The following ANKRD33B variants were observed in gnomAD, a reference collection of about 807,000 sequenced individuals.
The protein encoded by ANKRD33B is ankyrin repeat domain 33B, also known as ankyrin repeat domain-containing protein 33B.
Under a neutral mutation model 21.5 loss-of-function variants are expected in ANKRD33B, and 6 were observed. That is an observed-to-expected ratio of 0.28 (90% CI 0.15 to 0.55). The LOEUF (loss-of-function observed/expected upper bound fraction) is 0.55. Among genes scored for constraint, ANKRD33B ranks in the 20% least tolerant of loss-of-function variants. The pLI is 0.94. For synonymous variants in ANKRD33B, 347 were observed against 342.4 expected, an observed-to-expected ratio of 1.01 and a Z score of -0.15; for missense variants, 698 against 747.2, an observed-to-expected ratio of 0.93 and a Z score of 0.77.
chr5:10,638,924 C>T (rs1033241166), intron 3 of ANKRD33B, among the ~76,000 whole-genome samples: 8,263 of 139,778 alleles, frequency 0.059, 1,933 homozygotes, highest in Non-Finnish European at 0.088. Context: ...GCGGGTGACG[C>T]GGAGTTGCGC....
intron 2 of ANKRD33B, among the ~76,000 whole-genome samples, chr5:10,621,691 CT>C (rs1284239489): frequency 6.6e-6 from 1 of 152,216 alleles, no homozygotes; most frequent in Non-Finnish European, 1.5e-5. Context: ...ATCACAAATG[CT>C]GAAATACATC....
chr5:10,607,938 G>A (rs759680250), intron 1 of ANKRD33B, among the ~76,000 whole-genome samples: 1 of 152,180 alleles, frequency 6.6e-6, no homozygotes, highest in Non-Finnish European at 1.5e-5. Context: ...TGAGCATGTC[G>A]TCTTAGGCGT....
rs185915830 is a variant in ANKRD33B at position 10,571,294 on chromosome 5, C to T, written c.366+6461C>T. 1.5e-3 allele frequency among the ~76,000 whole-genome samples: 221 copies of T among 152,180 alleles called. 1 individual carries two copies. Among genetic ancestry groups the T allele is most frequent in the African/African-American group, 4.7e-3 (196 of 41,518 alleles). On this transcript the variant is annotated intron_variant, in intron 1 of 3. Coordinates refer to ENST00000296657, the MANE Select transcript of ANKRD33B (RefSeq NM_001164440.2). Reference sequence around the variant, plus strand: ...TCGGCCCACTGCAACCTCCACCTCCCGGGTTCAAGCGATTGTCCTGCCTCA... The same window carrying T: ...TCGGCCCACTGCAACCTCCACCTCCTGGGTTCAAGCGATTGTCCTGCCTCA...
At chr5:10,587,971 G>T (rs535517680) in intron 1 of ANKRD33B, among the ~76,000 whole-genome samples, 1 of 152,176 alleles carries the variant, frequency 6.6e-6, no homozygotes, top group Admixed American at 6.5e-5. Flanking sequence ...TTCCAAGAAG[G>T]TATATTATTG....
intron 2 of ANKRD33B, among the ~76,000 whole-genome samples, chr5:10,632,870 C>A (rs1338917776): frequency 6.6e-6 from 1 of 152,200 alleles, no homozygotes; most frequent in Non-Finnish European, 1.5e-5. Context: ...TCACTGCAAC[C>A]TCCTCCTCCT....
At chr5:10,591,083 T>A (rs1735674885) in intron 1 of ANKRD33B, among the ~76,000 whole-genome samples, 1 of 152,178 alleles carries the variant, frequency 6.6e-6, no homozygotes, top group African/African-American at 2.4e-5. Flanking sequence ...GTTTAAATTT[T>A]TATACAGTCA....
Position 10,652,804 on chromosome 5 carries a change from G to T in ANKRD33B, c.*2691G>T. On this transcript the variant is annotated 3_prime_UTR_variant, in exon 4 of 4. Coordinates refer to ENST00000296657, the MANE Select transcript of ANKRD33B (RefSeq NM_001164440.2). The surrounding 1 kb of genome is among the most constrained non-coding windows in gnomAD (Gnocchi z 4.1). ...CACAGGATACTCTGGGGCCAGCACA[G>T]GGATTGTCCAGTGATGCTCCTGGTG... is the stretch of plus-strand genomic sequence containing the variant. 3.4e-6 allele frequency: 1 copy of T among 295,098 alleles called. No homozygotes were observed. The allele number at this position is 295,098 out of a possible 1,614,324, so 18.3% of individuals were successfully genotyped here. A position where few individuals can be genotyped will look rare whatever the true frequency, so the allele number is the denominator to read the frequency against.
intron 1 of ANKRD33B, among the ~76,000 whole-genome samples, chr5:10,584,166 A>G (rs77291344): frequency 0.01 from 1,547 of 152,344 alleles, 14 homozygotes; most frequent in South Asian, 0.017. Context: ...CCAAGAAATC[A>G]TACATTTGGC....
At chr5:10,592,530 G>A (rs1735718794) in intron 1 of ANKRD33B, among the ~76,000 whole-genome samples, 1 of 150,526 alleles carries the variant, frequency 6.6e-6, no homozygotes, top group South Asian at 2.1e-4. Flanking sequence ...GGCTGAGCAT[G>A]AGAATCGCTT....
In ANKRD33B at chr5:10,564,562, A is replaced by G. The variant is rs1456191860; in HGVS notation, c.95A>G (p.Glu32Gly). Reference protein sequence around the residue: ...PSPPRGAQVEEDPADYEEFED... With the variant: ...PSPPRGAQVEGDPADYEEFED... ...CCACCCCGGGGCGCGCAGGTCGAGG[A>G]GGACCCCGCTGACTACGAAGAGTTT... Residue 32 changes from glutamate (E) to glycine (G), a missense_variant, in exon 1 of 4, where the codon GAG (glutamate) becomes GGG (glycine). Coordinates refer to ENST00000296657, the MANE Select transcript of ANKRD33B (RefSeq NM_001164440.2). 6.5e-7 allele frequency: 1 copy of G among 1,534,006 alleles called. No homozygotes were observed. The highest frequency in any genetic ancestry group is 8.7e-7 in the Non-Finnish European group (1 of 1,146,434).
At chr5:10,603,071 C>G (rs536077200) in intron 1 of ANKRD33B, among the ~76,000 whole-genome samples, 2 of 152,100 alleles carry the variant, frequency 1.3e-5, no homozygotes, top group Admixed American at 1.3e-4. Flanking sequence ...GTCTCAGCCT[C>G]CCAAGGATCT....
At chr5:10,598,079 G>A (rs1735853540) in intron 1 of ANKRD33B, among the ~76,000 whole-genome samples, 1 of 152,034 alleles carries the variant, frequency 6.6e-6, no homozygotes. Context: ...ACATCCAGAT[G>A]TCTGTTCTCC....
chr5:10,564,107 A>C lies in ANKRD33B; in HGVS notation c.-361A>C, dbSNP rs903543896. Among the ~76,000 whole-genome samples the C allele has an allele frequency of 5.9e-5, 9 of 151,928 alleles. No individual in the cohort carries two copies. The highest frequency in any genetic ancestry group is 1.5e-5 in the Non-Finnish European group (1 of 67,936). On this transcript the variant is annotated 5_prime_UTR_variant, in exon 1 of 4. Transcript: ENST00000296657. ...TGCTTCTCCCGCGCCAGCTGTCCCC[A>C]GCTCTGGGGCAACGCTGCCAGGTGC...
rs1298922950 is a variant in ANKRD33B at position 10,651,687 on chromosome 5, AC to A, written c.*1577del. ...GAGGCTCTGTACTATGACCCTAATAACCCTAGATACATCATGATACATGGTG... is the reference window on the plus strand; with the variant it reads ...GAGGCTCTGTACTATGACCCTAATAACCTAGATACATCATGATACATGGTG... On this transcript the variant is annotated 3_prime_UTR_variant, in exon 4 of 4. Transcript: ENST00000296657. 1 of 152,184 alleles carries A rather than the reference AC, an allele frequency of 6.6e-6. No homozygotes were observed. Among genetic ancestry groups the A allele is most frequent in the African/African-American group, 2.4e-5 (1 of 41,374 alleles). 9.4% of individuals were successfully genotyped at this position (152,184 alleles called of 1,614,324 possible). A position where few individuals can be genotyped will look rare whatever the true frequency, so the allele number is the denominator to read the frequency against.
intron 1 of ANKRD33B, among the ~76,000 whole-genome samples, chr5:10,600,296 T>A (rs570563994): frequency 7.4e-4 from 113 of 152,376 alleles, no homozygotes; most frequent in African/African-American, 2.5e-3. Context: ...AAGATATGAT[T>A]CCATTACCCC....
intron 1 of ANKRD33B, among the ~76,000 whole-genome samples, chr5:10,577,322 G>A (rs1735345964): frequency 6.6e-6 from 1 of 152,126 alleles, no homozygotes; most frequent in African/African-American, 2.4e-5. Flanking sequence ...TAGAGACAGG[G>A]TTTCACCATG....
At chr5:10,617,513 G>T (rs554900686) in intron 1 of ANKRD33B, among the ~76,000 whole-genome samples, 2 of 152,248 alleles carry the variant, frequency 1.3e-5, no homozygotes, top group East Asian at 3.9e-4. Context: ...CCCAGCTGCT[G>T]CCCCCACCCT....
intron 1 of ANKRD33B, 31 bp downstream of exon 1, chr5:10,564,864 C>G (rs1449749503): frequency 6.8e-7 from 1 of 1,468,900 alleles, no homozygotes; most frequent in Non-Finnish European, 9.0e-7. Context: ...GATTTGAGCC[C>G]CCTCACTGCC....
rs1409243808 is a variant in ANKRD33B at position 10,598,470 on chromosome 5, T to C, written c.367-19863T>C. 4.6e-5 allele frequency among the ~76,000 whole-genome samples: 7 copies of C among 152,292 alleles called. No individual in the cohort carries two copies. The East Asian group carries it at 1.3e-3, about 29-fold the overall frequency. ...TTTGTAGAGATGGAGTTTCACCATG[T>C]TAGCCAGCCTGGTCTCGAACACCTG... On this transcript the variant is annotated intron_variant, in intron 1 of 3. Transcript: ENST00000296657.
Sources: allele counts gnomAD v4.1 joint callset (sites outside exome capture counted in the v4.1 genomes callset), GRCh38; gene constraint gnomAD v4.1.1; non-coding constraint Gnocchi (gnomAD v3.1); transcripts MANE v1.5; gene names NCBI Gene and HGNC (gene_info 2026-07-23, HGNC 2026-07-21).